CRHBP: variants seen among roughly 807,000 people sequenced by gnomAD.
CRHBP encodes the protein corticotropin releasing hormone binding protein.
In CRHBP, 19 loss-of-function variants were observed where a neutral mutation model predicts 34.9. The ratio of observed to expected loss-of-function variants is 0.55; its 90% confidence interval spans 0.38 to 0.80. CRHBP has a LOEUF of 0.80. CRHBP is among the 30% of genes least tolerant of loss of function. The pLI is 0.00. For synonymous variants in CRHBP, 154 were observed against 153.4 expected, an observed-to-expected ratio of 1.00 and a Z score of -0.03; for missense variants, 328 against 409.2, an observed-to-expected ratio of 0.80 and a Z score of 1.71.
rs1158363151 is a variant in CRHBP at position 76,975,803 on chromosome 5, C to CAAAAAAAAAAAAAA, written n.312-552_312-539dup. ...TGGGCAACAGAGCGAGACTCTGTCT[C>CAAAAAAAAAAAAAA]AAAAAAAAAAAAAAAAAAAAAAATA... On this transcript the variant is annotated intron_variant and non_coding_transcript_variant, in intron 2 of 3. Coordinates refer to the CRHBP transcript ENST00000514258. Among the ~76,000 whole-genome samples, 26 of 35,218 alleles carry CAAAAAAAAAAAAAA rather than the reference C, an allele frequency of 7.4e-4. 1 individual carries two copies. The highest frequency in any genetic ancestry group is 3.1e-3 in the African/African-American group (24 of 7,784). The allele number at this position is 35,218 out of a possible 152,430, so 23.1% of individuals were successfully genotyped here.
chr5:76,968,987 C>A lies in CRHBP; in HGVS notation c.*102C>A. 7.3e-7 allele frequency: 1 copy of A among 1,366,096 alleles called. No homozygotes were observed. Among genetic ancestry groups the A allele is most frequent in the South Asian group, 1.4e-5 (1 of 72,754 alleles). The allele number at this position is 1,366,096 out of a possible 1,614,324, so 84.6% of individuals were successfully genotyped here. On this transcript the variant is annotated 3_prime_UTR_variant, in exon 7 of 7. Transcript: ENST00000274368. ...CTAGTTAAAAGCCTTTCATACCAGT[C>A]AGTATTCCCAGCCTTGAGCGCACGC...
downstream of CRHBP, among the ~76,000 whole-genome samples, chr5:76,970,126 G>C (rs772612812): frequency 2.2e-4 from 33 of 151,250 alleles, no homozygotes; most frequent in Non-Finnish European, 4.3e-4. Context: ...TTGTATTTTT[G>C]GTAGAGGCAG....
At chr5:76,956,365 A>G (rs1745668777) in intron 4 of CRHBP, among the ~76,000 whole-genome samples, 1 of 152,212 alleles carries the variant, frequency 6.6e-6, no homozygotes, top group African/African-American at 2.4e-5. Context: ...CCACCACTCT[A>G]ATTCAATTCA....
At chr5:76,963,212 A>T (rs924635012) in intron 5 of CRHBP, 131 bp from the exon 6 acceptor site, 7 of 659,680 alleles carry the variant, frequency 1.1e-5, no homozygotes, top group East Asian at 2.6e-5. Flanking sequence ...AGAGTCCCAG[A>T]TGTTAAATTA....
chr5:76,980,728 C>T (rs898968240), intron 3 of CRHBP, among the ~76,000 whole-genome samples: 1 of 152,120 alleles, frequency 6.6e-6, no homozygotes, highest in Admixed American at 6.6e-5. Flanking sequence ...CAGCTGAAGG[C>T]CTTATATGGA....
At chr5:76,975,938 A>G (rs10038420) in intron 2 of CRHBP, among the ~76,000 whole-genome samples, 2,908 of 45,810 alleles carry the variant, frequency 0.063, 109 homozygotes, top group African/African-American at 0.31. Context: ...GTGTGTGTGT[A>G]TATATATATA....
downstream of CRHBP, among the ~76,000 whole-genome samples, chr5:76,973,773 C>T (rs978829435): frequency 6.6e-6 from 1 of 151,618 alleles, no homozygotes; most frequent in African/African-American, 2.4e-5. Context: ...CAGATTTTTC[C>T]AGATTTCTCC....
intron 6 of CRHBP, among the ~76,000 whole-genome samples, chr5:76,968,517 C>T (rs941261948): frequency 2.0e-5 from 3 of 152,128 alleles, no homozygotes; most frequent in Non-Finnish European, 4.4e-5. Context: ...AGGAGAAAGA[C>T]TGAATTCAAT....
At position 76,954,157 on chromosome 5, in the gene CRHBP, A is replaced by T. The variant is rs774272979; in HGVS notation, c.304A>T (p.Ile102Phe). The change falls in exon 3 of 7, where the codon ATC (isoleucine) becomes TTC (phenylalanine). Residue 102 changes from isoleucine to phenylalanine, a missense_variant. By Grantham distance (21) the Ile-to-Phe change is conservative (BLOSUM62 0). This residue lies in a region of CRHBP where 173 missense variants were observed against 172.2 expected (regional missense o/e 1.00). Transcript: ENST00000274368. The part of the protein sequence containing the change: ...FITIHYDQVS[I>F]DCQGGDFLKV... Reference sequence around the variant, plus strand: ...TACCATCCACTACGACCAGGTCTCCATCGACTGTCAGGGCGGCGACTTCCT... The same window carrying T: ...TACCATCCACTACGACCAGGTCTCCTTCGACTGTCAGGGCGGCGACTTCCT... The T allele has an allele frequency of 6.2e-7, 1 of 1,613,736 alleles. No individual in the cohort carries two copies. The highest frequency in any genetic ancestry group is 1.7e-5 in the Admixed American group (1 of 59,966).
chr5:76,972,200 A>T (rs7705893), downstream of CRHBP, among the ~76,000 whole-genome samples: 25,166 of 142,376 alleles, frequency 0.18, 2,133 homozygotes, highest in South Asian at 0.23. Context: ...GTGGCTAATT[A>T]AAAAAAAAAA....
chr5:76,955,204 T>C (rs916249934), intron 3 of CRHBP, among the ~76,000 whole-genome samples: 1 of 152,228 alleles, frequency 6.6e-6, no homozygotes, highest in Non-Finnish European at 1.5e-5. Flanking sequence ...GCAGGTAAAG[T>C]TGCTGCTCCA....
Position 76,963,133 on chromosome 5 carries a change from A to G in CRHBP, c.694-210A>G, listed in dbSNP as rs2150707773. ...ACATGTACACACATTTCTAAAAAAA[A>G]TGATTACTCAACTGATTTAGAAAAG... On this transcript the variant is annotated intron_variant, in intron 5 of 6. Transcript: ENST00000274368. 1.5e-5 allele frequency: 8 copies of G among 519,822 alleles called. No homozygotes were observed. In the South Asian group the frequency reaches 2.6e-4, roughly 17 times the overall value. 32.2% of individuals were successfully genotyped at this position (519,822 alleles called of 1,614,324 possible).
chr5:76,978,695 G>A (rs535630099), intron 3 of CRHBP, among the ~76,000 whole-genome samples: 1 of 152,248 alleles, frequency 6.6e-6, no homozygotes, highest in African/African-American at 2.4e-5. Flanking sequence ...AAACTTTAAG[G>A]GATGAGGAGT....
chr5:76,971,006 A>G (rs1040563080), downstream of CRHBP, among the ~76,000 whole-genome samples: 2 of 152,210 alleles, frequency 1.3e-5, no homozygotes, highest in African/African-American at 2.4e-5. Flanking sequence ...TACTTAGCCT[A>G]TGTTCCAAAA....
chr5:76,968,630 T>TC, intron 6 of CRHBP, 98 bp from the exon 7 acceptor site: 1 of 1,265,496 alleles, frequency 7.9e-7, no homozygotes, highest in Non-Finnish European at 1.1e-6. Context: ...AAGATAGGTC[T>TC]CCTTGCTTTC....
intron 4 of CRHBP, among the ~76,000 whole-genome samples, chr5:76,957,235 C>T (rs1745686147): frequency 6.6e-6 from 1 of 152,078 alleles, no homozygotes; most frequent in Admixed American, 6.6e-5. Flanking sequence ...CAAGGAATTT[C>T]AGTCCTTTTT....
intron 4 of CRHBP, among the ~76,000 whole-genome samples, chr5:76,958,018 A>T (rs1474607570): frequency 5.9e-5 from 9 of 151,786 alleles, no homozygotes; most frequent in Non-Finnish European, 1.3e-4. Flanking sequence ...AATTAGCCAG[A>T]TGTTGTGGCA....
chr5:76,980,883 A>T (rs1208652058), intron 3 of CRHBP: 1 of 152,210 alleles, frequency 6.6e-6, no homozygotes, highest in African/African-American at 2.4e-5. Context: ...ATGTGTTATA[A>T]GCAAAGCTGT....
chr5:76,968,831 G>A lies in CRHBP; in HGVS notation c.915G>A (p.Glu305=). ...TFEYRQLEPY[E]LENPNGNSIG... ...AGTATCGTCAGCTGGAGCCGTACGA[G>A]CTGGAAAACCCAAATGGAAACAGTA... Residue 305 remains glutamate (E), a synonymous_variant, in exon 7 of 7, where the codon GAG becomes GAA. Coordinates refer to ENST00000274368, the MANE Select transcript of CRHBP (RefSeq NM_001882.4). The A allele has an allele frequency of 2.5e-6, 4 of 1,614,182 alleles. No homozygotes were observed. Among genetic ancestry groups the A allele is most frequent in the South Asian group, 2.2e-5 (2 of 91,072 alleles).
Sources: gnomAD v4.1 joint callset for allele counts (sites outside exome capture counted in the v4.1 genomes callset) on GRCh38, gnomAD v4.1.1 for gene constraint, gnomAD v4.1.1 regional missense constraint, MANE v1.5 for transcripts, NCBI Gene and HGNC (gene_info 2026-07-23, HGNC 2026-07-21) for gene names.